GRB14: variants seen among roughly 807,000 people sequenced by gnomAD.
GRB14 encodes the protein growth factor receptor bound protein 14, also known as growth factor receptor-bound protein 14.
Under a neutral mutation model 69.1 loss-of-function variants are expected in GRB14, and 38 were observed. The observed-to-expected ratio is 0.55, with a 90% CI of 0.42 to 0.72. The LOEUF (loss-of-function observed/expected upper bound fraction) is 0.72. Among genes scored for constraint, GRB14 ranks in the 30% least tolerant of loss-of-function variants. The probability of loss-of-function intolerance (pLI) is 0.00; values close to 1 mark genes in which losing one functional copy is unlikely to be tolerated. For missense variants in GRB14, 666 were observed against 666.1 expected (o/e 1.00, Z 0.00); for synonymous variants, 247 against 241.3 (o/e 1.02, Z -0.22).
intron 2 of GRB14, among the ~76,000 whole-genome samples, chr2:164,562,732 G>A (rs1167653679): frequency 1.3e-5 from 2 of 152,190 alleles, no homozygotes; most frequent in Non-Finnish European, 2.9e-5. Flanking sequence ...CTGTGAGGAA[G>A]CATCATCATC....
At chr2:164,508,645 G>T in intron 7 of GRB14, 95 bp from the exon 8 acceptor site, 1 of 1,432,124 alleles carries the variant, frequency 7.0e-7, no homozygotes, top group Non-Finnish European at 9.7e-7. Flanking sequence ...ATATATAAGA[G>T]AAAGCTGTCT....
At chr2:164,584,147 ATTTTTTTTTTTT>A (rs55883951) in intron 2 of GRB14, among the ~76,000 whole-genome samples, 59 of 49,904 alleles carry the variant, frequency 1.2e-3, no homozygotes, top group East Asian at 4.4e-3. Context: ...CAGCCTGGCT[ATTTTTTTTTTTT>A]TTTTTTTTTT....
chr2:164,547,500 A>C (rs1415991003), intron 3 of GRB14, among the ~76,000 whole-genome samples, 160 bp downstream of exon 3: 1 of 152,212 alleles, frequency 6.6e-6, no homozygotes. Flanking sequence ...ATACATGATC[A>C]GAAGGAAAAA....
intron 3 of GRB14, among the ~76,000 whole-genome samples, chr2:164,536,645 A>G (rs183759808): frequency 1.1e-4 from 17 of 152,298 alleles, no homozygotes; most frequent in Admixed American, 3.9e-4. Flanking sequence ...ATTTTATTCA[A>G]TCGTCACCAC....
At position 164,547,822 on chromosome 2, in the gene GRB14, T is replaced by C. The variant is rs773077630; in HGVS notation, c.325-6A>G. The C allele has an allele frequency of 4.6e-5, 73 of 1,587,912 alleles. No homozygotes were observed. The highest frequency in any genetic ancestry group is 6.1e-5 in the Non-Finnish European group (71 of 1,164,910). On this transcript the variant is annotated splice_polypyrimidine_tract_variant and splice_region_variant and intron_variant, in intron 2 of 13. Transcript: ENST00000263915. ...TCACTGTATACTTTAATCACCTGTGTAGGTAGAAACAAGAAAAAGACCTAA... is the reference window on the plus strand; with the variant it reads ...TCACTGTATACTTTAATCACCTGTGCAGGTAGAAACAAGAAAAAGACCTAA...
chr2:164,571,182 G>C (rs1689114067), intron 2 of GRB14, among the ~76,000 whole-genome samples: 1 of 152,128 alleles, frequency 6.6e-6, no homozygotes, highest in Admixed American at 6.5e-5. Context: ...TTTAACTTCA[G>C]CCTATTCTTT....
At chr2:164,538,052 A>G (rs1688126001) in intron 3 of GRB14, among the ~76,000 whole-genome samples, 1 of 151,404 alleles carries the variant, frequency 6.6e-6, no homozygotes, top group Admixed American at 6.6e-5. Context: ...GCTGTGAACC[A>G]TTCCCTCACT....
chr2:164,516,484 GA>G (rs931148363), intron 6 of GRB14, among the ~76,000 whole-genome samples: 1 of 131,656 alleles, frequency 7.6e-6, no homozygotes, highest in African/African-American at 2.8e-5. Flanking sequence ...GATACTCAAA[GA>G]AAAAGAAAAA....
At chr2:164,588,546 AT>A (rs58248688) in intron 2 of GRB14, among the ~76,000 whole-genome samples, 11,218 of 152,024 alleles carry the variant, frequency 0.074, 1,006 homozygotes, top group African/African-American at 0.21. Flanking sequence ...GAAAATATGA[AT>A]TTTTTTTACC....
intron 6 of GRB14, among the ~76,000 whole-genome samples, chr2:164,509,686 G>A (rs1369980859): frequency 1.3e-5 from 2 of 148,780 alleles, no homozygotes; most frequent in Admixed American, 1.4e-4. Flanking sequence ...CTGGGAGCTT[G>A]TTAGCAATGC....
intron 2 of GRB14, among the ~76,000 whole-genome samples, chr2:164,572,334 T>A (rs1689142193): frequency 1.3e-5 from 2 of 152,142 alleles, no homozygotes; most frequent in Admixed American, 1.3e-4. Context: ...TGTTCTGTAT[T>A]CCCACCTCTT....
intron 2 of GRB14, among the ~76,000 whole-genome samples, chr2:164,553,027 G>A (rs1456647041): frequency 6.6e-6 from 1 of 152,010 alleles, no homozygotes; most frequent in Admixed American, 6.6e-5. Context: ...AATGATCTAG[G>A]GGTTGCTGAA....
chr2:164,497,492 T>C lies in GRB14; in HGVS notation c.1105-2A>G, dbSNP rs1302041692. On this transcript the variant is annotated splice_acceptor_variant, in intron 9 of 13. Transcript: ENST00000263915. LOFTEE classifies it high-confidence loss of function. The stretch of plus-strand genomic sequence containing the variant: ...CAGGGAATTCTCTGATATACTTCTC[T>C]GGAAAAAAGAAACACATTTGAGTTA... 2.0e-6 allele frequency: 3 copies of C among 1,537,428 alleles called. No individual in the cohort carries two copies. The highest frequency in any genetic ancestry group is 2.7e-6 in the Non-Finnish European group (3 of 1,124,166).
chr2:164,550,332 C>T (rs996735577), intron 2 of GRB14, among the ~76,000 whole-genome samples: 6 of 152,242 alleles, frequency 3.9e-5, no homozygotes, highest in Admixed American at 6.5e-5. Flanking sequence ...ACATAGAAGA[C>T]GCCTAACTAT....
chr2:164,574,767 C>T (rs1175217498), intron 2 of GRB14, among the ~76,000 whole-genome samples: 1 of 151,568 alleles, frequency 6.6e-6, no homozygotes, highest in African/African-American at 2.4e-5. Context: ...AGAGCAAGAC[C>T]CTGTCTCTCT....
rs146445796 is a variant in GRB14 at position 164,527,116 on chromosome 2, G to A, written c.501C>T (p.His167=). The part of the protein sequence containing the change: ...HIGVERTIED[H]ELVIEVLSNW... Reference sequence around the variant, plus strand: ...TGGATAGCACTTCAATCACCAGTTCGTGGTCTTCTATTGTTCTTTCTGTAA... The same window carrying A: ...TGGATAGCACTTCAATCACCAGTTCATGGTCTTCTATTGTTCTTTCTGTAA... Residue 167 remains histidine, a synonymous_variant, in exon 4 of 14, where the codon CAC becomes CAT. Transcript: ENST00000263915. The A allele has an allele frequency of 1.2e-4, 183 of 1,569,054 alleles. No individual in the cohort carries two copies. The Middle Eastern group carries it at 1.5e-3, about 13-fold the overall frequency.
At chr2:164,524,719 A>G (rs917374258) in intron 5 of GRB14, among the ~76,000 whole-genome samples, 3 of 152,122 alleles carry the variant, frequency 2.0e-5, no homozygotes, top group Non-Finnish European at 2.9e-5. Flanking sequence ...ATTTACACAC[A>G]TCACAGAACA....
chr2:164,537,148 A>G (rs1182085726), intron 3 of GRB14, among the ~76,000 whole-genome samples: 1 of 152,182 alleles, frequency 6.6e-6, no homozygotes, highest in African/African-American at 2.4e-5. Flanking sequence ...AAGGCTGAGC[A>G]TGGGATGCCT....
At chr2:164,497,985 G>A (rs1458762440) in intron 9 of GRB14, among the ~76,000 whole-genome samples, 1 of 152,002 alleles carries the variant, frequency 6.6e-6, no homozygotes, top group African/African-American at 2.4e-5. Flanking sequence ...ATACCCAAAA[G>A]TTATAACTTA....
Sources: allele counts gnomAD v4.1 joint callset (sites outside exome capture counted in the v4.1 genomes callset), GRCh38; gene constraint gnomAD v4.1.1; transcripts MANE v1.5; gene names NCBI Gene and HGNC (gene_info 2026-07-23, HGNC 2026-07-21).